ITGBL1: variants seen among roughly 807,000 people sequenced by gnomAD.
ITGBL1 encodes the protein integrin subunit beta like 1, also known as integrin beta-like protein 1.
Under a neutral mutation model 68.5 loss-of-function variants are expected in ITGBL1, and 51 were observed. The ratio of observed to expected loss-of-function variants is 0.74; its 90% CI spans 0.59 to 0.94. ITGBL1 has a LOEUF of 0.94. ITGBL1 is among the 40% of genes least tolerant of loss of function. The pLI, the probability that ITGBL1 is intolerant of heterozygous loss-of-function variation, is 0.00. For missense variants in ITGBL1, 649 were observed against 647.4 expected (o/e 1.00, Z -0.03); for synonymous variants, 209 against 227.3 (o/e 0.92, Z 0.72).
At chr13:101,593,094 A>G (rs2050683447) in intron 6 of ITGBL1, among the ~76,000 whole-genome samples, 2 of 152,098 alleles carry the variant, frequency 1.3e-5, no homozygotes, top group Admixed American at 1.3e-4. Context: ...TAGGCAAAAT[A>G]CATTAATAAA....
chr13:101,700,654 T>G (rs2139573744), intron 8 of ITGBL1, among the ~76,000 whole-genome samples: 1 of 152,352 alleles, frequency 6.6e-6, no homozygotes, highest in East Asian at 1.9e-4. Flanking sequence ...ATTTGCTATG[T>G]TCTCATTTCT....
chr13:101,472,512 G>A (rs1313007852), intron 2 of ITGBL1, among the ~76,000 whole-genome samples: 1 of 152,170 alleles, frequency 6.6e-6, no homozygotes, highest in Non-Finnish European at 1.5e-5. Flanking sequence ...AACTTCAAGA[G>A]TATTGGAAGC....
rs1158699603 is a variant in ITGBL1, at chr13:101,516,247, ATCC to A, written c.317-51446_317-51444del. Among the ~76,000 whole-genome samples, 5 of 152,094 alleles carry A rather than the reference ATCC, an allele frequency of 3.3e-5. No individual in the cohort carries two copies. The East Asian group carries it at 7.7e-4, about 23-fold the overall frequency. ...CTGAAAGCAGGCTTTCTTTGTTTAA[ATCC>A]TCCTCTGTCCCATCCTTTGCTTTCT... is the stretch of plus-strand genomic sequence containing the variant. On this transcript the variant is annotated intron_variant, in intron 2 of 10. Transcript: ENST00000376180.
intron 4 of ITGBL1, among the ~76,000 whole-genome samples, chr13:101,577,725 A>AAT (rs907135689): frequency 1.8e-4 from 27 of 152,298 alleles, no homozygotes; most frequent in Middle Eastern, 3.4e-3. Context: ...AAAAGCAATT[A>AAT]ATATACACTA....
At chr13:101,596,225 A>G (rs1489774234) in intron 6 of ITGBL1, among the ~76,000 whole-genome samples, 1 of 152,184 alleles carries the variant, frequency 6.6e-6, no homozygotes, top group South Asian at 2.1e-4. Flanking sequence ...CATATGTGGA[A>G]TCTAAAAACG....
In ITGBL1 at chr13:101,604,887, T is replaced by TACATACACACACACAC. The variant is rs1555361672; in HGVS notation, c.1015+6591_1015+6592insTACACACACACACACA. On this transcript the variant is annotated intron_variant, in intron 7 of 10. Coordinates refer to ENST00000376180, the MANE Select transcript of ITGBL1 (RefSeq NM_004791.3). ...ATATATATATATATATATATATATA[T>TACATACACACACACAC]ACACACACACACACATATATATGTG... is the stretch of plus-strand genomic sequence containing the variant. Among the ~76,000 whole-genome samples, 4 of 22,166 alleles carry TACATACACACACACAC rather than the reference T, an allele frequency of 1.8e-4. 1 individual carries two copies. The highest frequency in any genetic ancestry group is 4.5e-4 in the African/African-American group (3 of 6,636). 14.5% of individuals were successfully genotyped at this position (22,166 alleles called of 152,430 possible). A position where few individuals can be genotyped will look rare whatever the true frequency, so the allele number is the denominator to read the frequency against.
chr13:101,671,209 T>G (rs1391011462), intron 7 of ITGBL1, among the ~76,000 whole-genome samples: 3 of 152,070 alleles, frequency 2.0e-5, no homozygotes, highest in African/African-American at 4.8e-5. Context: ...TCCAGAACTC[T>G]GATAAAGAAA....
chr13:101,644,558 A>T (rs2032498034), intron 7 of ITGBL1, among the ~76,000 whole-genome samples: 1 of 152,208 alleles, frequency 6.6e-6, no homozygotes. Context: ...TCAAATTTTC[A>T]TTGAAAAAAG....
At chr13:101,707,461 T>C (rs1245763298) in intron 9 of ITGBL1, among the ~76,000 whole-genome samples, 3 of 152,184 alleles carry the variant, frequency 2.0e-5, no homozygotes. Flanking sequence ...GGAGGGGTAG[T>C]ATCCCACAAG....
At chr13:101,650,677 G>C (rs1382908305) in intron 7 of ITGBL1, among the ~76,000 whole-genome samples, 3 of 150,736 alleles carry the variant, frequency 2.0e-5, no homozygotes, top group Admixed American at 6.6e-5. Context: ...GGGATATGCA[G>C]GTTTGTTACA....
At chr13:101,632,227 A>G (rs1047764094) in intron 7 of ITGBL1, among the ~76,000 whole-genome samples, 1 of 152,170 alleles carries the variant, frequency 6.6e-6, no homozygotes, top group African/African-American at 2.4e-5. Flanking sequence ...ACAAAGGTAA[A>G]CAACCCAACT....
At chr13:101,525,638 A>G (rs1340228497) in intron 2 of ITGBL1, among the ~76,000 whole-genome samples, 2 of 152,078 alleles carry the variant, frequency 1.3e-5, no homozygotes, top group Admixed American at 1.3e-4. Flanking sequence ...AGAGAAATGC[A>G]TTACTCCCAT....
chr13:101,475,469 C>T (rs1273126850), intron 2 of ITGBL1, among the ~76,000 whole-genome samples: 1 of 151,944 alleles, frequency 6.6e-6, no homozygotes, highest in African/African-American at 2.4e-5. Flanking sequence ...AGCTATTTGT[C>T]TTAAGGAGAA....
At chr13:101,565,493 T>A (rs1234089460) in intron 2 of ITGBL1, among the ~76,000 whole-genome samples, 1 of 152,138 alleles carries the variant, frequency 6.6e-6, no homozygotes, top group African/African-American at 2.4e-5. Context: ...GATGGCCCTG[T>A]CTGACATTAG....
intron 3 of ITGBL1, among the ~76,000 whole-genome samples, chr13:101,574,567 G>T (rs1215957077): frequency 1.3e-5 from 2 of 152,174 alleles, no homozygotes; most frequent in African/African-American, 2.4e-5. Flanking sequence ...GTCCAGGGTG[G>T]TTTCTTGTGA....
At chr13:101,713,372 A>G (rs915497069) in intron 9 of ITGBL1, 2 of 152,152 alleles carry the variant, frequency 1.3e-5, no homozygotes, top group Non-Finnish European at 2.9e-5. Flanking sequence ...TGAACTTACC[A>G]ATTCTGCAGT....
intron 7 of ITGBL1, among the ~76,000 whole-genome samples, chr13:101,602,673 C>A (rs2030457785): frequency 6.6e-6 from 1 of 150,746 alleles, no homozygotes; most frequent in African/African-American, 2.4e-5. Context: ...TGTCCAATTC[C>A]AAAAAAAAAG....
chr13:101,666,990 C>T (rs1018838109), intron 7 of ITGBL1, among the ~76,000 whole-genome samples: 8 of 152,140 alleles, frequency 5.3e-5, no homozygotes, highest in Admixed American at 3.3e-4. Context: ...GAAAGCAAAA[C>T]GATTTGTCCA....
chr13:101,613,976 A>G (rs929251996), intron 7 of ITGBL1, among the ~76,000 whole-genome samples: 1 of 148,278 alleles, frequency 6.7e-6, no homozygotes, highest in African/African-American at 2.5e-5. Context: ...AAGTTGCACA[A>G]AACTTATTGC....
Sources: allele counts gnomAD v4.1 joint callset (sites outside exome capture counted in the v4.1 genomes callset), GRCh38; gene constraint gnomAD v4.1.1; transcripts MANE v1.5; gene names NCBI Gene and HGNC (gene_info 2026-07-23, HGNC 2026-07-21).